Variants in RTCA observed in about 807,000 individuals in gnomAD.
RTCA encodes the protein RNA 3'-terminal phosphate cyclase, also known as RNA terminal phosphate cyclase domain 1.
A neutral mutation model predicts 46.1 loss-of-function variants in RTCA; 37 were observed. That is an observed-to-expected ratio of 0.80 (90% CI 0.62 to 1.06). RTCA has a LOEUF of 1.06. Among genes scored for constraint, RTCA ranks in the 50% least tolerant of loss-of-function variants. The probability of loss-of-function intolerance (pLI) is 0.00; values close to 1 mark genes in which losing one functional copy is unlikely to be tolerated. For missense variants in RTCA, 435 were observed against 455.5 expected (o/e 0.95, Z 0.41); for synonymous variants, 164 against 158.3 (o/e 1.04, Z -0.27).
intron 8 of RTCA, among the ~76,000 whole-genome samples, chr1:100,279,309 G>A (rs969959603): frequency 2.0e-5 from 3 of 152,142 alleles, no homozygotes; most frequent in Admixed American, 6.6e-5. Context: ...TATGATAGTG[G>A]TATCCCCAGG....
chr1:100,269,289 A>G (rs1330590827), intron 3 of RTCA, among the ~76,000 whole-genome samples: 2 of 151,876 alleles, frequency 1.3e-5, no homozygotes, highest in Non-Finnish European at 2.9e-5. Context: ...TTATTTGACT[A>G]TAAGGACCAA....
chr1:100,279,852 A>C (rs1666591437), intron 8 of RTCA, among the ~76,000 whole-genome samples: 1 of 152,200 alleles, frequency 6.6e-6, no homozygotes, highest in Admixed American at 6.5e-5. Flanking sequence ...GAATGGAGAG[A>C]GATGACAACA....
In RTCA at chr1:100,291,319, ACT is replaced by A. The variant is rs1195965505; in HGVS notation, c.1000-79_1000-78del. 11 of 792,376 alleles carry A rather than the reference ACT, an allele frequency of 1.4e-5. No homozygotes were observed. In the East Asian group the frequency reaches 1.8e-4, roughly 13 times the overall value. 49.1% of individuals were successfully genotyped at this position (792,376 alleles called of 1,614,324 possible). ...TTTCAATAAAATGGGCTTGACATTA[ACT>A]CTCTGCCTACATAAGTTGGAGTTGT... On this transcript the variant is annotated intron_variant, in intron 10 of 10. Coordinates refer to ENST00000370128, the MANE Select transcript of RTCA (RefSeq NM_003729.4).
At chr1:100,283,160 C>CTTTTTTTTTTTT (rs71084815) in intron 8 of RTCA, among the ~76,000 whole-genome samples, 1 of 102,104 alleles carries the variant, frequency 9.8e-6, no homozygotes, top group Non-Finnish European at 1.9e-5. Flanking sequence ...CCAAATATTC[C>CTTTTTTTTTTTT]TTTTTTTTTT....
At chr1:100,270,742 T>G in intron 4 of RTCA, 62 bp downstream of exon 4, 2 of 1,567,266 alleles carry the variant, frequency 1.3e-6, no homozygotes, top group Non-Finnish European at 1.7e-6. Context: ...GTCTCCATTC[T>G]CTAAATATAT....
intron 8 of RTCA, among the ~76,000 whole-genome samples, chr1:100,279,093 T>G (rs1666551768): frequency 6.6e-6 from 1 of 152,192 alleles, no homozygotes; most frequent in Non-Finnish European, 1.5e-5. Context: ...CAACAGTCTT[T>G]AGAAGCAAAG....
intron 4 of RTCA, 94 bp from the exon 5 acceptor site, chr1:100,273,300 T>A: frequency 1.3e-6 from 1 of 742,658 alleles, no homozygotes; most frequent in Non-Finnish European, 2.2e-6. Flanking sequence ...TAGCACCCAG[T>A]TACTAGCCAG....
chr1:100,288,738 T>A (rs1253882063), intron 10 of RTCA, among the ~76,000 whole-genome samples: 3 of 152,294 alleles, frequency 2.0e-5, no homozygotes, highest in East Asian at 3.9e-4. Flanking sequence ...TATATTAATT[T>A]AAAAAATTAA....
rs1401696886 is a variant in RTCA, at chr1:100,266,804, C to G, written c.146+180C>G. The stretch of plus-strand genomic sequence containing the variant: ...GCCTGGGTTGTAAAGTCTTGAAAGC[C>G]TGGAGGGGTGAGTTTAGAAATGGTC... On this transcript the variant is annotated intron_variant, in intron 2 of 10. Coordinates refer to ENST00000370128, the MANE Select transcript of RTCA (RefSeq NM_003729.4). 6.8e-6 allele frequency: 4 copies of G among 586,396 alleles called. No homozygotes were observed. The East Asian group carries it at 8.4e-5, about 12-fold the overall frequency. The allele number at this position is 586,396 out of a possible 1,614,324, so 36.3% of individuals were successfully genotyped here.
At chr1:100,285,100 T>G (rs1308494418) in intron 8 of RTCA, 128 bp from the exon 9 acceptor site, 3 of 646,934 alleles carry the variant, frequency 4.6e-6, no homozygotes, top group Non-Finnish European at 8.4e-6. Context: ...AAAGGTGCAT[T>G]GAGTGGGTTT....
At chr1:100,277,963 G>A (rs148003902) in intron 8 of RTCA, among the ~76,000 whole-genome samples, 1 of 152,252 alleles carries the variant, frequency 6.6e-6, no homozygotes, top group Non-Finnish European at 1.5e-5. Context: ...AAATTTGTCT[G>A]ATTGTCTCAT....
intron 10 of RTCA, among the ~76,000 whole-genome samples, chr1:100,290,540 G>A (rs891177422): frequency 2.0e-5 from 3 of 152,188 alleles, no homozygotes; most frequent in Non-Finnish European, 4.4e-5. Context: ...GGAAGCTGAC[G>A]CAGGAGGATC....
chr1:100,277,975 A>G lies in RTCA; in HGVS notation c.799+659A>G, dbSNP rs571261166. Among the ~76,000 whole-genome samples the G allele has an allele frequency of 2.0e-5, 3 of 152,268 alleles. No homozygotes were observed. In the South Asian group the frequency reaches 6.2e-4, roughly 32 times the overall value. ...TTTAAATTTGTCTGATTGTCTCATG[A>G]TATATTCAGATTAAACATTTTTATT... On this transcript the variant is annotated intron_variant, in intron 8 of 10. Coordinates refer to ENST00000370128, the MANE Select transcript of RTCA (RefSeq NM_003729.4).
At chr1:100,269,363 CTTTT>C (rs61660356) in intron 3 of RTCA, among the ~76,000 whole-genome samples, 4 of 123,290 alleles carry the variant, frequency 3.2e-5, no homozygotes, top group Non-Finnish European at 5.2e-5. Context: ...AGCTATCAGT[CTTTT>C]TTTTTTTTTT....
At chr1:100,274,461 GC>G (rs1666261884) in intron 5 of RTCA, among the ~76,000 whole-genome samples, 3 of 152,164 alleles carry the variant, frequency 2.0e-5, no homozygotes, top group Admixed American at 1.3e-4. Flanking sequence ...TTCTACAATA[GC>G]CCTGTCAAAT....
intron 3 of RTCA, among the ~76,000 whole-genome samples, chr1:100,269,350 T>C (rs1665954422): frequency 6.7e-6 from 1 of 148,220 alleles, no homozygotes; most frequent in Admixed American, 7.0e-5. Flanking sequence ...ATGTGAAATA[T>C]TTAGCTATCA....
In RTCA at chr1:100,274,895, A is replaced by G; in HGVS notation, c.545A>G (p.Asn182Ser). The change falls in exon 6 of 11, where the codon AAT becomes AGT. Residue 182 changes from asparagine (N) to serine (S), a missense_variant. Transcript: ENST00000370128. Reference protein sequence around the residue: ...MSPVKQLNPINLTERGCVTKI... With the variant: ...MSPVKQLNPISLTERGCVTKI... The stretch of plus-strand genomic sequence containing the variant: ...CCAGTTAAACAATTGAACCCTATAA[A>G]TTTAACTGAGCGTGGCTGTGTGACT... 2.5e-6 allele frequency: 4 copies of G among 1,613,830 alleles called. No homozygotes were observed. The highest frequency in any genetic ancestry group is 3.4e-6 in the Non-Finnish European group (4 of 1,179,786).
chr1:100,290,521 A>G (rs900541392), intron 10 of RTCA, among the ~76,000 whole-genome samples: 3 of 152,234 alleles, frequency 2.0e-5, no homozygotes, highest in Admixed American at 1.3e-4. Context: ...CTGTAATCCC[A>G]GCGCTTTAGG....
intron 8 of RTCA, among the ~76,000 whole-genome samples, chr1:100,284,768 ATTTG>A (rs905401372): frequency 2.6e-5 from 4 of 152,114 alleles, no homozygotes; most frequent in African/African-American, 7.2e-5. Flanking sequence ...TGGGAGGGGA[ATTTG>A]TTTGTTTGGT....
Sources: allele counts gnomAD v4.1 joint callset (sites outside exome capture counted in the v4.1 genomes callset), GRCh38; gene constraint gnomAD v4.1.1; transcripts MANE v1.5; gene names NCBI Gene and HGNC (gene_info 2026-07-23, HGNC 2026-07-21).